TEX9: variants seen among roughly 807,000 people sequenced by gnomAD.
TEX9 encodes testis expressed 9, also known as testis-expressed protein 9.
In TEX9, 74 loss-of-function variants were observed where a neutral mutation model predicts 59.6. The observed-to-expected ratio is 1.24, with a 90% CI of 1.03 to 1.51. The LOEUF is 1.51. Among genes scored for constraint, TEX9 ranks in the 40% most tolerant of loss-of-function variants. The pLI is 0.00. For synonymous variants in TEX9, 186 were observed against 152.2 expected, an observed-to-expected ratio of 1.22 and a Z score of -1.64; for missense variants, 522 against 447.8, an observed-to-expected ratio of 1.17 and a Z score of -1.49.
chr15:56,335,958 G>C (rs1353016191), intron 1 of TEX9, among the ~76,000 whole-genome samples: 1 of 152,078 alleles, frequency 6.6e-6, no homozygotes, highest in Non-Finnish European at 1.5e-5. Flanking sequence ...TCAACTTCAT[G>C]TGTTTCATAT....
At chr15:56,334,212 AG>A (rs1177496195) in intron 1 of TEX9, among the ~76,000 whole-genome samples, 1 of 152,160 alleles carries the variant, frequency 6.6e-6, no homozygotes, top group Non-Finnish European at 1.5e-5. Flanking sequence ...AGCTATCCCA[AG>A]CAAATGAACA....
chr15:56,430,257 A>T (rs2050545413), intron 12 of TEX9, 103 bp downstream of exon 12: 1 of 152,300 alleles, frequency 6.6e-6, no homozygotes, highest in Non-Finnish European at 1.5e-5. Flanking sequence ...CCCAGGCTGG[A>T]GTGCAGTGGC....
At chr15:56,396,097 T>C (rs968191338) in intron 9 of TEX9, 3 of 152,190 alleles carry the variant, frequency 2.0e-5, no homozygotes, top group Admixed American at 6.5e-5. Flanking sequence ...AATAAAAATA[T>C]ACTGTTTGAG....
chr15:56,385,363 A>G (rs1214769129), intron 4 of TEX9, among the ~76,000 whole-genome samples: 3 of 152,112 alleles, frequency 2.0e-5, no homozygotes, highest in Non-Finnish European at 2.9e-5. Flanking sequence ...CTTGAGACAA[A>G]TATCAGACTA....
chr15:56,308,642 A>G (rs575917003), intron 1 of TEX9, among the ~76,000 whole-genome samples: 51 of 152,194 alleles, frequency 3.4e-4, no homozygotes, highest in Non-Finnish European at 5.3e-4. Flanking sequence ...GATCCAAGGA[A>G]TGTTTTTACT....
At chr15:56,458,378 C>G in the TEX9 span, among the ~76,000 whole-genome samples, 1 of 152,176 alleles carries the variant, frequency 6.6e-6, no homozygotes, top group African/African-American at 2.4e-5. Flanking sequence ...TACACATGCT[C>G]AGCTTCCCCT....
chr15:56,436,135 C>T (rs1163376021), intron 12 of TEX9, among the ~76,000 whole-genome samples: 2 of 152,092 alleles, frequency 1.3e-5, no homozygotes, highest in Non-Finnish European at 2.9e-5. Flanking sequence ...CTCTCCAGCC[C>T]AAATCAACAG....
At chr15:56,442,766 A>C (rs1489238283) in intron 12 of TEX9, among the ~76,000 whole-genome samples, 1 of 152,184 alleles carries the variant, frequency 6.6e-6, no homozygotes, top group African/African-American at 2.4e-5. Flanking sequence ...GGTGAGGATC[A>C]ATAAACTACC....
At chr15:56,397,357 A>G (rs1356326015) in intron 9 of TEX9, 1 of 152,532 alleles carries the variant, frequency 6.6e-6, no homozygotes, top group Non-Finnish European at 1.5e-5. Flanking sequence ...GTGCTGTTAA[A>G]GGCATCCAGT....
At chr15:56,394,943 T>A (rs2048390836) in intron 9 of TEX9, 109 bp downstream of exon 9, 3 of 1,095,548 alleles carry the variant, frequency 2.7e-6, no homozygotes, top group Admixed American at 6.2e-5. Flanking sequence ...TTATTAGTAT[T>A]TACTGAAAAC....
At chr15:56,330,333 C>T (rs1458191038) in intron 1 of TEX9, among the ~76,000 whole-genome samples, 3 of 152,104 alleles carry the variant, frequency 2.0e-5, no homozygotes, top group Non-Finnish European at 4.4e-5. Flanking sequence ...AAGAAATCAT[C>T]TGAAGGTATA....
chr15:56,246,565 C>G (rs117840266), intron 1 of TEX9, among the ~76,000 whole-genome samples: 131 of 152,286 alleles, frequency 8.6e-4, no homozygotes, highest in Non-Finnish European at 1.4e-3. Context: ...CCATGTGCTT[C>G]TCATATTATG....
intron 9 of TEX9, among the ~76,000 whole-genome samples, chr15:56,409,589 C>T (rs1399445109): frequency 6.6e-6 from 1 of 152,146 alleles, no homozygotes; most frequent in Non-Finnish European, 1.5e-5. Context: ...CAGCCTTGAC[C>T]TCCCCAGCTC....
At chr15:56,336,896 C>T (rs2046267143) in intron 1 of TEX9, among the ~76,000 whole-genome samples, 1 of 152,190 alleles carries the variant, frequency 6.6e-6, no homozygotes, top group South Asian at 2.1e-4. Context: ...AGGGCGATTC[C>T]CAGTAGAGGA....
At chr15:56,322,465 G>A (rs753004493) in intron 1 of TEX9, among the ~76,000 whole-genome samples, 1 of 152,158 alleles carries the variant, frequency 6.6e-6, no homozygotes, top group Non-Finnish European at 1.5e-5. Context: ...AGGAGTGGGT[G>A]AGAGGGAGCT....
chr15:56,355,517 T>C (rs746473199), intron 1 of TEX9, among the ~76,000 whole-genome samples: 1 of 152,184 alleles, frequency 6.6e-6, no homozygotes, highest in Non-Finnish European at 1.5e-5. Context: ...TCTTAATTAC[T>C]GTAGTCTTGG....
At chr15:56,314,621 A>G (rs552428630) in intron 1 of TEX9, among the ~76,000 whole-genome samples, 1 of 152,154 alleles carries the variant, frequency 6.6e-6, no homozygotes, top group African/African-American at 2.4e-5. Flanking sequence ...AAAAAAGTAT[A>G]TTCTATTGAT....
At chr15:56,322,156 T>C (rs940046702) in intron 1 of TEX9, among the ~76,000 whole-genome samples, 6 of 151,406 alleles carry the variant, frequency 4.0e-5, no homozygotes, top group African/African-American at 1.5e-4. Context: ...AGAAAAGGAG[T>C]GGAAATGAGC....
intron 1 of TEX9, among the ~76,000 whole-genome samples, chr15:56,300,900 T>G (rs2045345910): frequency 6.6e-6 from 1 of 152,160 alleles, no homozygotes; most frequent in Admixed American, 6.5e-5. Flanking sequence ...CAAACAAGAC[T>G]AGGCTGTGAA....
Sources: allele counts gnomAD v4.1 joint callset (sites outside exome capture counted in the v4.1 genomes callset), GRCh38; gene constraint gnomAD v4.1.1; transcripts MANE v1.5; gene names NCBI Gene and HGNC (gene_info 2026-07-23, HGNC 2026-07-21).